The following ANKH variants were observed in gnomAD, a reference collection of about 807,000 sequenced individuals.
ANKH encodes ANKH inorganic pyrophosphate transport regulator, also known as mineralization regulator ANKH.
A neutral mutation model predicts 49.0 loss-of-function variants in ANKH; 15 were observed. The observed-to-expected ratio is 0.31, with a 90% confidence interval of 0.20 to 0.47. ANKH has a LOEUF of 0.47. Ranked by LOEUF, ANKH falls within the 20% of genes least tolerant of loss-of-function variation. ANKH has a pLI of 1.00. For synonymous variants in ANKH, 273 were observed against 260.0 expected, an observed-to-expected ratio of 1.05 and a Z score of -0.48; for missense variants, 429 against 652.0, an observed-to-expected ratio of 0.66 and a Z score of 3.72.
intron 1 of ANKH, chr5:14,797,419 G>A: frequency 1.2e-6 from 2 of 1,611,010 alleles, no homozygotes; most frequent in East Asian, 2.2e-5. Flanking sequence ...GTCTCATTGT[G>A]AGGTGACCAC....
At chr5:14,740,694 A>G (rs1265778736) in intron 8 of ANKH, among the ~76,000 whole-genome samples, 1 of 152,160 alleles carries the variant, frequency 6.6e-6, no homozygotes, top group African/African-American at 2.4e-5. Flanking sequence ...AGGCTTTCAA[A>G]ATGTCCATTA....
Position 14,713,080 on chromosome 5 carries a change from C to T in ANKH, c.1266-107G>A. 1 of 1,088,750 alleles carries T rather than the reference C, an allele frequency of 9.2e-7. No homozygotes were observed. The highest frequency in any genetic ancestry group is 1.4e-6 in the Non-Finnish European group (1 of 735,036). 67.4% of individuals were successfully genotyped at this position (1,088,750 alleles called of 1,614,324 possible). The stretch of plus-strand genomic sequence containing the variant: ...AGTGTAGCCTCGAGACGGCTGAGAC[C>T]AGCGGCGTTCTCCATCTGCTGGCTT... On this transcript the variant is annotated intron_variant, in intron 10 of 11. Transcript: ENST00000284268. This position sits in a 1 kb window ranked among gnomAD's most constrained non-coding sequence, Gnocchi z 4.4.
chr5:14,810,390 C>T (rs1326886492), intron 1 of ANKH, among the ~76,000 whole-genome samples: 1 of 152,072 alleles, frequency 6.6e-6, no homozygotes, highest in Non-Finnish European at 1.5e-5. Context: ...AACTCCTAAC[C>T]TCAGGTGATC....
At chr5:14,819,139 A>G (rs1392662311) in intron 1 of ANKH, among the ~76,000 whole-genome samples, 1 of 152,194 alleles carries the variant, frequency 6.6e-6, no homozygotes, top group Admixed American at 6.5e-5. Context: ...ACTGTCCAGA[A>G]AGAGCTGATG....
At chr5:14,761,024 T>C (rs546857494) in intron 2 of ANKH, among the ~76,000 whole-genome samples, 2 of 152,138 alleles carry the variant, frequency 1.3e-5, no homozygotes, top group Non-Finnish European at 2.9e-5. Flanking sequence ...GATGTTCTTA[T>C]AAAACGGATA....
In ANKH at chr5:14,821,363, T is replaced by C. The variant is rs116041578; in HGVS notation, c.96+49989A>G. On this transcript the variant is annotated intron_variant, in intron 1 of 11. Coordinates refer to ENST00000284268, the MANE Select transcript of ANKH (RefSeq NM_054027.6). ...ACCGTTTAAATTGGCCAGGAAGACATAGTATGTTATCATCTCACTTAGAAT... is the reference window on the plus strand; with the variant it reads ...ACCGTTTAAATTGGCCAGGAAGACACAGTATGTTATCATCTCACTTAGAAT... Among the ~76,000 whole-genome samples, 1,272 of 152,282 alleles carry C rather than the reference T, an allele frequency of 8.4e-3. 20 individuals carry two copies. The highest frequency in any genetic ancestry group is 0.029 in the African/African-American group (1,200 of 41,534).
chr5:14,716,324 C>T (rs1286146498), intron 9 of ANKH, among the ~76,000 whole-genome samples: 1 of 152,162 alleles, frequency 6.6e-6, no homozygotes, highest in Non-Finnish European at 1.5e-5. Context: ...GAAACCCCGT[C>T]TCTACTAAAA....
At chr5:14,735,543 C>G (rs575077383) in intron 8 of ANKH, among the ~76,000 whole-genome samples, 1 of 152,294 alleles carries the variant, frequency 6.6e-6, no homozygotes, top group South Asian at 2.1e-4. Context: ...AACTGGGTGA[C>G]TCTGAGCAAC....
chr5:14,772,730 A>G (rs1739483131), intron 1 of ANKH, among the ~76,000 whole-genome samples: 1 of 152,214 alleles, frequency 6.6e-6, no homozygotes, highest in African/African-American at 2.4e-5. Flanking sequence ...GGCCTTCTGT[A>G]GGGGACACTA....
intron 7 of ANKH, among the ~76,000 whole-genome samples, chr5:14,742,913 A>G (rs1738410162): frequency 6.6e-6 from 1 of 152,238 alleles, no homozygotes; most frequent in African/African-American, 2.4e-5. Flanking sequence ...GAAAACTGGC[A>G]GAGAAAAATA....
intron 1 of ANKH, among the ~76,000 whole-genome samples, chr5:14,848,665 C>T (rs547130228): frequency 3.9e-5 from 6 of 152,306 alleles, no homozygotes; most frequent in Admixed American, 1.3e-4. Context: ...TGTTCCTGTG[C>T]AGCTAAGTGC....
At chr5:14,793,061 ATATATATAAATATATAAAAATATAT>A (rs1474914216) in intron 1 of ANKH, among the ~76,000 whole-genome samples, 12,103 of 48,394 alleles carry the variant, frequency 0.25, 672 homozygotes, top group East Asian at 0.33. Flanking sequence ...TATATATAAA[ATATATATAAATATATAAAAATATAT>A]ATATAAATAT....
chr5:14,851,932 G>A (rs970842072), intron 1 of ANKH, among the ~76,000 whole-genome samples: 1 of 152,216 alleles, frequency 6.6e-6, no homozygotes, highest in African/African-American at 2.4e-5. Flanking sequence ...AATGGATACA[G>A]TTAGGTGTTT....
intron 1 of ANKH, among the ~76,000 whole-genome samples, chr5:14,792,854 G>T (rs1370418986): frequency 6.7e-6 from 1 of 149,956 alleles, no homozygotes; most frequent in African/African-American, 2.5e-5. Flanking sequence ...GCAGACACCT[G>T]TAATCCCAGC....
At chr5:14,765,051 G>A (rs1302825933) in intron 2 of ANKH, among the ~76,000 whole-genome samples, 1 of 152,206 alleles carries the variant, frequency 6.6e-6, no homozygotes, top group African/African-American at 2.4e-5. Context: ...AGGTCAGCAC[G>A]CTTTCCTCCA....
At chr5:14,830,275 C>T (rs992094620) in intron 1 of ANKH, among the ~76,000 whole-genome samples, 2 of 152,130 alleles carry the variant, frequency 1.3e-5, no homozygotes, top group African/African-American at 4.8e-5. Context: ...CATATCAGAT[C>T]GAGAAGACAC....
rs549709687 is a variant in ANKH, at chr5:14,815,641, C to T, written c.97-46450G>A. ...TCTCATGGATGACAAAGTACTCGTT[C>T]GCCCCTACTAAGGAGTATTCTTTAT... On this transcript the variant is annotated intron_variant, in intron 1 of 11. Coordinates refer to ENST00000284268, the MANE Select transcript of ANKH (RefSeq NM_054027.6). Among the ~76,000 whole-genome samples, 33 of 152,240 alleles carry T rather than the reference C, an allele frequency of 2.2e-4. No homozygotes were observed. In the South Asian group the frequency reaches 3.9e-3, roughly 18 times the overall value.
intron 1 of ANKH, among the ~76,000 whole-genome samples, chr5:14,816,329 A>C (rs1302096170): frequency 6.6e-6 from 1 of 152,222 alleles, no homozygotes; most frequent in Non-Finnish European, 1.5e-5. Flanking sequence ...TTAAGAAAAG[A>C]GAGAGAAGCC....
Position 14,720,082 on chromosome 5 carries a change from C to G in ANKH, c.1012-3247G>C, listed in dbSNP as rs548643309. On this transcript the variant is annotated intron_variant, in intron 8 of 11. Transcript: ENST00000284268. ...TAAGTTTCATGGAATTAGCCAAGCTCTATTTACTATGTCATGTTGAAATAT... is the reference window on the plus strand; with the variant it reads ...TAAGTTTCATGGAATTAGCCAAGCTGTATTTACTATGTCATGTTGAAATAT... 5.3e-5 allele frequency among the ~76,000 whole-genome samples: 8 copies of G among 152,048 alleles called. No homozygotes were observed. In the South Asian group the frequency reaches 1.7e-3, roughly 32 times the overall value.
Sources: allele counts gnomAD v4.1 joint callset (sites outside exome capture counted in the v4.1 genomes callset), GRCh38; gene constraint gnomAD v4.1.1; non-coding constraint Gnocchi (gnomAD v3.1); transcripts MANE v1.5; gene names NCBI Gene and HGNC (gene_info 2026-07-23, HGNC 2026-07-21).